NAALADL2: variants seen among roughly 807,000 people sequenced by gnomAD.
NAALADL2 encodes inactive N-acetylated-alpha-linked acidic dipeptidase-like protein 2.
In NAALADL2, 76 loss-of-function variants were observed where a neutral mutation model predicts 87.2. The observed-to-expected ratio is 0.87, with a 90% CI of 0.72 to 1.05. The LOEUF (loss-of-function observed/expected upper bound fraction) is 1.05. NAALADL2 is among the 50% of genes least tolerant of loss of function. The pLI, the probability that NAALADL2 is intolerant of heterozygous loss-of-function variation, is 0.00. For missense variants in NAALADL2, 1,089 were observed against 945.8 expected (o/e 1.15, Z -1.99); for synonymous variants, 354 against 331.0 (o/e 1.07, Z -0.75).
At chr3:175,316,577 G>T (rs1051469363) in intron 4 of NAALADL2, among the ~76,000 whole-genome samples, 1 of 152,208 alleles carries the variant, frequency 6.6e-6, no homozygotes, top group African/African-American at 2.4e-5. Flanking sequence ...TATATCTTAA[G>T]CTATCTCAAA....
Position 175,183,717 on chromosome 3 carries a change from T to C in NAALADL2, c.546-50214T>C, listed in dbSNP as rs187235073. ...AGTCAACGATCCTTTTAGTGTGCTG[T>C]AGAATTCAGTTTGTTAGGATTTTGT... On this transcript the variant is annotated intron_variant, in intron 2 of 13. Transcript: ENST00000454872. Among the ~76,000 whole-genome samples, 401 of 152,182 alleles carry C rather than the reference T, an allele frequency of 2.6e-3. 2 individuals carry two copies. The highest frequency in any genetic ancestry group is 9.2e-3 in the African/African-American group (381 of 41,550).
chr3:174,767,270 A>T (rs1456871220), intron 3 of NAALADL2, among the ~76,000 whole-genome samples: 1 of 152,150 alleles, frequency 6.6e-6, no homozygotes, highest in Non-Finnish European at 1.5e-5. Flanking sequence ...AGACCTTTCA[A>T]ATCTTCCTAT....
intron 2 of NAALADL2, among the ~76,000 whole-genome samples, chr3:174,565,189 T>G (rs1251940550): frequency 6.6e-6 from 1 of 152,114 alleles, no homozygotes; most frequent in East Asian, 1.9e-4. Flanking sequence ...TTAACTAAAG[T>G]CTATAGATTA....
intron 3 of NAALADL2, among the ~76,000 whole-genome samples, chr3:174,844,276 C>T (rs1724350762): frequency 6.6e-6 from 1 of 152,110 alleles, no homozygotes; most frequent in Non-Finnish European, 1.5e-5. Context: ...CCTATTGGTA[C>T]CTGTGTTGAA....
At chr3:175,633,650 G>A (rs923117225) in intron 11 of NAALADL2, among the ~76,000 whole-genome samples, 4 of 151,766 alleles carry the variant, frequency 2.6e-5, no homozygotes, top group African/African-American at 9.7e-5. Flanking sequence ...GTGGTACCAT[G>A]GAAACCAGCA....
At chr3:175,126,631 C>T (rs1002926548) in intron 2 of NAALADL2, among the ~76,000 whole-genome samples, 2 of 152,002 alleles carry the variant, frequency 1.3e-5, no homozygotes, top group African/African-American at 4.8e-5. Context: ...GTCACCAAAA[C>T]AAAACAAAAC....
intron 1 of NAALADL2, among the ~76,000 whole-genome samples, chr3:174,525,450 C>T (rs1398510161): frequency 6.6e-6 from 1 of 152,154 alleles, no homozygotes; most frequent in African/African-American, 2.4e-5. Flanking sequence ...ATGTCTCAGA[C>T]TTGTAAACAA....
At chr3:175,211,392 A>G (rs979134537) in intron 2 of NAALADL2, among the ~76,000 whole-genome samples, 1 of 151,988 alleles carries the variant, frequency 6.6e-6, no homozygotes, top group African/African-American at 2.4e-5. Context: ...AAGGAGAAGT[A>G]GCTCAATGAT....
intron 9 of NAALADL2, among the ~76,000 whole-genome samples, chr3:175,499,758 T>C (rs1385807638): frequency 6.6e-6 from 1 of 152,118 alleles, no homozygotes; most frequent in African/African-American, 2.4e-5. Context: ...TCTTACATAT[T>C]AGCTGTGTTT....
intron 10 of NAALADL2, among the ~76,000 whole-genome samples, chr3:175,622,968 A>G (rs151189850): frequency 6.6e-6 from 1 of 152,084 alleles, no homozygotes; most frequent in Non-Finnish European, 1.5e-5. Flanking sequence ...TAAAAAGGTG[A>G]TAAGAAGATG....
chr3:174,540,408 C>G (rs1722118909), intron 1 of NAALADL2, among the ~76,000 whole-genome samples: 1 of 152,154 alleles, frequency 6.6e-6, no homozygotes, highest in South Asian at 2.1e-4. Context: ...AGCACCTGTT[C>G]TATAATATTA....
At chr3:175,108,491 A>T (rs188069643) in intron 2 of NAALADL2, among the ~76,000 whole-genome samples, 34 of 152,114 alleles carry the variant, frequency 2.2e-4, no homozygotes, top group Admixed American at 9.9e-4. Context: ...TTTTTCTTTG[A>T]ACAGAAATGT....
At chr3:175,681,265 A>G (rs1341587984) in intron 11 of NAALADL2, among the ~76,000 whole-genome samples, 1 of 152,228 alleles carries the variant, frequency 6.6e-6, no homozygotes, top group Non-Finnish European at 1.5e-5. Context: ...TTTAAAAATA[A>G]ATACCAAATA....
intron 2 of NAALADL2, among the ~76,000 whole-genome samples, chr3:174,657,005 TC>T (rs1296755550): frequency 1.3e-5 from 2 of 151,302 alleles, no homozygotes; most frequent in African/African-American, 2.4e-5. Context: ...CTTCCTTTTT[TC>T]CTTCCTCTCT....
chr3:174,640,403 G>C (rs770410893), intron 2 of NAALADL2, among the ~76,000 whole-genome samples: 1 of 152,172 alleles, frequency 6.6e-6, no homozygotes. Context: ...AGCTGTCTAT[G>C]ATATCTTTAA....
intron 2 of NAALADL2, among the ~76,000 whole-genome samples, chr3:174,676,386 T>A (rs1025550468): frequency 3.3e-5 from 5 of 150,262 alleles, no homozygotes; most frequent in African/African-American, 1.2e-4. Context: ...TTGGTTTTTA[T>A]CATAGCCAGT....
intron 4 of NAALADL2, among the ~76,000 whole-genome samples, chr3:175,276,202 T>C (rs960714231): frequency 4.0e-5 from 6 of 151,814 alleles, no homozygotes; most frequent in Non-Finnish European, 1.5e-5. Context: ...AATCAATCCA[T>C]TTCCAAGTTT....
chr3:175,736,887 T>G (rs9858278), intron 11 of NAALADL2, among the ~76,000 whole-genome samples: 6 of 151,968 alleles, frequency 3.9e-5, no homozygotes, highest in Non-Finnish European at 7.4e-5. Flanking sequence ...TAAAATAAAT[T>G]GATCATTAAT....
intron 5 of NAALADL2, among the ~76,000 whole-genome samples, chr3:175,343,655 G>GTTTTTTTTTTTTTTGTTT (rs1762804446): frequency 1.5e-5 from 1 of 64,726 alleles, no homozygotes; most frequent in Non-Finnish European, 3.3e-5. Context: ...TCTTGATCAT[G>GTTTTTTTTTTTTTTGTTT]TTTTTTTTTT....
Sources: allele counts gnomAD v4.1 joint callset (sites outside exome capture counted in the v4.1 genomes callset), GRCh38; gene constraint gnomAD v4.1.1; transcripts MANE v1.5; gene names NCBI Gene and HGNC (gene_info 2026-07-23, HGNC 2026-07-21).